The following RALGAPB variants were observed in gnomAD, a reference collection of about 807,000 sequenced individuals.
The protein encoded by RALGAPB is Ral GTPase activating protein non-catalytic subunit beta, also known as ral GTPase-activating protein subunit beta.
RALGAPB carries 25 observed loss-of-function variants against 161.1 expected under a neutral mutation model. The observed-to-expected ratio is 0.16, with a 90% confidence interval of 0.11 to 0.22. RALGAPB has a LOEUF of 0.22. RALGAPB is among the 10% of genes least tolerant of loss of function. The pLI, the probability that RALGAPB is intolerant of heterozygous loss-of-function variation, is 1.00. For missense variants in RALGAPB, 1,391 were observed against 1,815.2 expected, an observed-to-expected ratio of 0.77 and a Z score of 4.25; for synonymous variants, 629 against 626.1, an observed-to-expected ratio of 1.00 and a Z score of -0.07.
chr20:38,527,099 G>A (rs1049325002), intron 13 of RALGAPB, among the ~76,000 whole-genome samples: 11 of 152,202 alleles, frequency 7.2e-5, no homozygotes, highest in African/African-American at 2.4e-4. Context: ...CGCTTATGGA[G>A]CAATTGATCT....
intron 9 of RALGAPB, 56 bp downstream of exon 9, chr20:38,518,056 C>G: frequency 6.7e-7 from 1 of 1,488,428 alleles, no homozygotes; most frequent in Non-Finnish European, 9.3e-7. Flanking sequence ...TTTTCTTTTT[C>G]TTTTTAGTCT....
intron 6 of RALGAPB, among the ~76,000 whole-genome samples, chr20:38,512,178 G>A (rs781205070): frequency 2.6e-5 from 4 of 152,158 alleles, no homozygotes; most frequent in Non-Finnish European, 4.4e-5. Flanking sequence ...TATTACTGCT[G>A]TAAAGAACAT....
chr20:38,479,285 A>G (rs2084894639), intron 1 of RALGAPB, among the ~76,000 whole-genome samples: 1 of 152,222 alleles, frequency 6.6e-6, no homozygotes, highest in African/African-American at 2.4e-5. Context: ...GTCTGGATGT[A>G]CTTTACAAAG....
At chr20:38,523,208 A>G (rs531756113) in intron 10 of RALGAPB, among the ~76,000 whole-genome samples, 150 of 151,932 alleles carry the variant, frequency 9.9e-4, no homozygotes, top group Non-Finnish European at 1.7e-3. Flanking sequence ...GACCATCAGG[A>G]CCAATTAGTA....
At chr20:38,544,045 C>T (rs2087069703) in intron 18 of RALGAPB, among the ~76,000 whole-genome samples, 1 of 152,084 alleles carries the variant, frequency 6.6e-6, no homozygotes, top group African/African-American at 2.4e-5. Flanking sequence ...TCTGTGTACA[C>T]TAATACAAAT....
In RALGAPB at chr20:38,562,429, A is replaced by C; in HGVS notation, c.3532-103A>C. 7.2e-6 allele frequency: 7 copies of C among 972,752 alleles called. 1 individual carries two copies. The South Asian group carries it at 1.4e-4, about 19-fold the overall frequency. The allele number at this position is 972,752 out of a possible 1,614,324, so 60.3% of individuals were successfully genotyped here. On this transcript the variant is annotated intron_variant, in intron 23 of 29. Transcript: ENST00000262879. ...CCTCAAATTTATTCTGAGCTTGGAC[A>C]TGATTTGTCAGAAGCTTCAAAACTA...
intron 21 of RALGAPB, among the ~76,000 whole-genome samples, chr20:38,553,429 T>G (rs1241751186): frequency 2.5e-4 from 38 of 152,130 alleles, no homozygotes; most frequent in Admixed American, 2.5e-3. Context: ...CTGCCCCCTT[T>G]CTTGCCTATT....
rs1287922991 is a variant in RALGAPB at position 38,516,249 on chromosome 20, A to G, written c.930A>G (p.Glu310=). The change falls in exon 7 of 30, where the codon GAA becomes GAG. Residue 310 remains glutamate (E), a synonymous_variant. Coordinates refer to ENST00000262879, the MANE Select transcript of RALGAPB (RefSeq NM_020336.4). The stretch of plus-strand genomic sequence containing the variant: ...TAAGCTCTACTCCCAAATTTCAGGA[A>G]CAGTTCTTGAATGTGAGCGGAATGC... The part of the protein sequence containing the change: ...AIISSTPKFQ[E]QFLNVSGMPQ... 6.2e-7 allele frequency: 1 copy of G among 1,613,114 alleles called. No homozygotes were observed. The highest frequency in any genetic ancestry group is 1.1e-5 in the South Asian group (1 of 90,878).
chr20:38,480,309 C>T (rs1463298169), intron 1 of RALGAPB, among the ~76,000 whole-genome samples: 4 of 115,518 alleles, frequency 3.5e-5, no homozygotes, highest in African/African-American at 1.3e-4. Context: ...TCTGGGTTTT[C>T]GGTTTCTAGT....
intron 16 of RALGAPB, among the ~76,000 whole-genome samples, chr20:38,538,812 A>G (rs1457460460): frequency 6.6e-6 from 1 of 152,234 alleles, no homozygotes; most frequent in African/African-American, 2.4e-5. Context: ...AGAATGTTAA[A>G]TGGAGCCACC....
chr20:38,564,620 C>T (rs1248433807), intron 24 of RALGAPB, among the ~76,000 whole-genome samples: 1 of 152,088 alleles, frequency 6.6e-6, no homozygotes, highest in African/African-American at 2.4e-5. Context: ...TAATTGAGAA[C>T]TATATAGCTC....
intron 16 of RALGAPB, chr20:38,537,852 A>G (rs764188943): frequency 1.3e-5 from 2 of 152,158 alleles, no homozygotes; most frequent in African/African-American, 2.4e-5. Context: ...GAAGGTGACT[A>G]CTCTGGAGCT....
chr20:38,500,523 C>T (rs760429975), intron 5 of RALGAPB, among the ~76,000 whole-genome samples: 13 of 152,228 alleles, frequency 8.5e-5, no homozygotes, highest in Non-Finnish European at 1.2e-4. Context: ...AGCTGTTTTC[C>T]GTCTCTTTCC....
At chr20:38,550,932 G>A in intron 20 of RALGAPB, 139 bp from the exon 21 acceptor site, 1 of 925,754 alleles carries the variant, frequency 1.1e-6, no homozygotes, top group Non-Finnish European at 1.6e-6. Context: ...GTTATCTGTA[G>A]CATTTGCAGG....
At position 38,578,233 on chromosome 20, in the gene RALGAPB, T is replaced by C. The variant is rs2088508219; in HGVS notation, c.*3266T>C. ...AGATGGTCTGTTTTAAAGATTTCCA[T>C]GACAGCCTCTTTTCCTGAGTTGGAG... On this transcript the variant is annotated 3_prime_UTR_variant, in exon 30 of 30. Coordinates refer to ENST00000262879, the MANE Select transcript of RALGAPB (RefSeq NM_020336.4). The C allele has an allele frequency of 6.6e-6, 1 of 152,198 alleles. No individual in the cohort carries two copies. The allele number at this position is 152,198 out of a possible 1,614,324, so 9.4% of individuals were successfully genotyped here. A position where few individuals can be genotyped will look rare whatever the true frequency, so the allele number is the denominator to read the frequency against.
intron 3 of RALGAPB, among the ~76,000 whole-genome samples, chr20:38,495,999 T>C (rs1435563889): frequency 6.6e-6 from 1 of 152,208 alleles, no homozygotes; most frequent in African/African-American, 2.4e-5. Flanking sequence ...CTTCCTCTTA[T>C]ATTACTTGAT....
chr20:38,474,454 T>G (rs1268202769), intron 1 of RALGAPB, among the ~76,000 whole-genome samples: 1 of 152,038 alleles, frequency 6.6e-6, no homozygotes, highest in Non-Finnish European at 1.5e-5. Context: ...TTTTTGAATT[T>G]TTTTTGTAGA....
rs774880388 is a variant in RALGAPB at position 38,541,181 on chromosome 20, C to T, written c.2703C>T (p.Ala901=). 1.2e-6 allele frequency: 2 copies of T among 1,614,018 alleles called. No homozygotes were observed. Among genetic ancestry groups the T allele is most frequent in the South Asian group, 1.1e-5 (1 of 91,082 alleles). ...TGAGGGTAAAGGATGCTGCTGAAGC[C>T]ACCCTAACATGGTATGGAAGTGACC... ...ASMRVKDAAE[A]TLTCIMQLLG... is the part of the protein sequence containing the mutation. The change falls in exon 18 of 30, where the codon GCC becomes GCT. Residue 901 remains alanine (A), a synonymous_variant. Coordinates refer to ENST00000262879, the MANE Select transcript of RALGAPB (RefSeq NM_020336.4).
chr20:38,482,426 C>CTTTTTT (rs386393725), intron 1 of RALGAPB, among the ~76,000 whole-genome samples: 5 of 121,352 alleles, frequency 4.1e-5, no homozygotes, highest in Non-Finnish European at 4.9e-5. Context: ...GTATGTTTAT[C>CTTTTTT]TTTTTTTTTT....
Sources: allele counts gnomAD v4.1 joint callset (sites outside exome capture counted in the v4.1 genomes callset), GRCh38; gene constraint gnomAD v4.1.1; transcripts MANE v1.5; gene names NCBI Gene and HGNC (gene_info 2026-07-23, HGNC 2026-07-21).